Variants in MYPN observed in about 807,000 individuals in gnomAD.
MYPN encodes the protein myopalladin.
A neutral mutation model predicts 129.4 loss-of-function variants in MYPN; 63 were observed. That is an observed-to-expected ratio of 0.49 (90% CI 0.40 to 0.60). MYPN has a LOEUF of 0.60. MYPN is among the 20% of genes least tolerant of loss of function. The pLI is 0.00. For missense variants in MYPN, 1,596 were observed against 1,635.4 expected (o/e 0.98, Z 0.42); for synonymous variants, 629 against 600.9 (o/e 1.05, Z -0.68).
intron 2 of MYPN, chr10:68,136,537 G>A: frequency 7.0e-7 from 1 of 1,423,618 alleles, no homozygotes; most frequent in Non-Finnish European, 9.1e-7. Flanking sequence ...CCTGATCCCT[G>A]CCTAATTTCT....
chr10:68,154,582 T>A (rs1308077966), intron 6 of MYPN, among the ~76,000 whole-genome samples: 1 of 152,198 alleles, frequency 6.6e-6, no homozygotes, highest in Non-Finnish European at 1.5e-5. Flanking sequence ...GAGCTTTCAA[T>A]CAGACAGTTC....
intron 2 of MYPN, among the ~76,000 whole-genome samples, chr10:68,127,319 C>CTTTTTTT (rs71470508): frequency 3.3e-4 from 24 of 72,576 alleles, no homozygotes; most frequent in Non-Finnish European, 4.6e-4. Context: ...ACACATATAT[C>CTTTTTTT]TTTTTTTTTT....
chr10:68,181,181 T>C (rs1391766827), intron 12 of MYPN, among the ~76,000 whole-genome samples: 4 of 152,128 alleles, frequency 2.6e-5, no homozygotes, highest in African/African-American at 4.8e-5. Flanking sequence ...CAAGGGAAAA[T>C]GGAGAACACG....
rs374434233 is a variant in MYPN at position 68,121,624 on chromosome 10, T to C, written c.186T>C (p.Asp62=). The part of the protein sequence containing the change: ...EGGGGQDDLP[D]LSAFLSQEEL... The stretch of plus-strand genomic sequence containing the variant: ...GCGGAGGCCAAGATGACCTTCCAGA[T>C]CTTTCAGCCTTTCTGAGCCAAGAAG... The change falls in exon 2 of 20, where the codon GAT becomes GAC. Residue 62 remains aspartate, a synonymous_variant. Transcript: ENST00000358913. 1.2e-6 allele frequency: 2 copies of C among 1,614,246 alleles called. No individual in the cohort carries two copies. The highest frequency in any genetic ancestry group is 1.7e-6 in the Non-Finnish European group (2 of 1,180,044).
intron 18 of MYPN, among the ~76,000 whole-genome samples, chr10:68,204,724 T>C (rs1188138214): frequency 7.8e-5 from 2 of 25,638 alleles, no homozygotes; most frequent in South Asian, 1.0e-3. Flanking sequence ...AGACTCTGTC[T>C]CAAAAAAAAA....
At chr10:68,161,159 A>G (rs1295120058) in intron 7 of MYPN, among the ~76,000 whole-genome samples, 1 of 152,160 alleles carries the variant, frequency 6.6e-6, no homozygotes, top group African/African-American at 2.4e-5. Context: ...ATGTATCCCA[A>G]GTGAAACCCA....
intron 2 of MYPN, among the ~76,000 whole-genome samples, chr10:68,125,637 A>T (rs2042314894): frequency 6.6e-6 from 1 of 152,262 alleles, no homozygotes; most frequent in Non-Finnish European, 1.5e-5. Context: ...CCTAATTTTT[A>T]TAGTACAAAC....
chr10:68,169,307 A>G (rs540752807), intron 10 of MYPN, among the ~76,000 whole-genome samples: 191 of 151,024 alleles, frequency 1.3e-3, no homozygotes, highest in African/African-American at 4.3e-3. Context: ...GCAGTGGGCC[A>G]AGATCGCGTT....
upstream of MYPN, chr10:68,106,663 C>T (rs1445710483): frequency 2.5e-5 from 18 of 711,516 alleles, no homozygotes; most frequent in East Asian, 1.3e-4. Flanking sequence ...GAGCCTATAG[C>T]GATATAAAAA....
At chr10:68,146,833 G>A (rs1051245078) in intron 4 of MYPN, among the ~76,000 whole-genome samples, 4 of 152,156 alleles carry the variant, frequency 2.6e-5, no homozygotes, top group African/African-American at 9.7e-5. Context: ...GCCACACCTA[G>A]CTGCAGTGAA....
At chr10:68,119,802 A>G (rs1012637420) in intron 1 of MYPN, among the ~76,000 whole-genome samples, 1 of 152,200 alleles carries the variant, frequency 6.6e-6, no homozygotes, top group African/African-American at 2.4e-5. Context: ...AGTCTGTGGC[A>G]AGTAGGTGGG....
intron 1 of MYPN, among the ~76,000 whole-genome samples, chr10:68,113,340 G>T (rs1345569170): frequency 6.6e-6 from 1 of 152,124 alleles, no homozygotes; most frequent in Non-Finnish European, 1.5e-5. Flanking sequence ...AGGTTACTTA[G>T]GAGTTCTTTG....
intron 1 of MYPN, among the ~76,000 whole-genome samples, chr10:68,100,729 C>G (rs1370140495): frequency 6.6e-6 from 1 of 152,054 alleles, no homozygotes; most frequent in Non-Finnish European, 1.5e-5. Context: ...AAAACAGCAC[C>G]AAGTCTTTTT....
intron 12 of MYPN, among the ~76,000 whole-genome samples, chr10:68,182,403 ACACATATATAT>A (rs2043341533): frequency 2.3e-5 from 2 of 85,876 alleles, no homozygotes; most frequent in African/African-American, 6.6e-5. Flanking sequence ...CATATATATA[ACACATATATAT>A]AACATATATA....
At chr10:68,131,411 C>G (rs2042409897) in intron 2 of MYPN, among the ~76,000 whole-genome samples, 1 of 150,442 alleles carries the variant, frequency 6.6e-6, no homozygotes, top group African/African-American at 2.4e-5. Context: ...AGAACAACAA[C>G]AAAAAAAACT....
chr10:68,098,853 A>AT (rs147706552), intron 1 of MYPN, among the ~76,000 whole-genome samples: 11,882 of 151,904 alleles, frequency 0.078, 1,230 homozygotes, highest in African/African-American at 0.24. Flanking sequence ...CAAAAAACAA[A>AT]TTTTTTTTGA....
chr10:68,186,346 T>G (rs1294640029), intron 12 of MYPN, among the ~76,000 whole-genome samples: 4 of 152,150 alleles, frequency 2.6e-5, no homozygotes. Flanking sequence ...CAAATTCAGA[T>G]GATTATATTG....
At chr10:68,145,323 G>A (rs977689100) in intron 3 of MYPN, 152 bp from the exon 4 acceptor site, 7 of 646,170 alleles carry the variant, frequency 1.1e-5, no homozygotes, top group East Asian at 6.4e-5. Flanking sequence ...CACGCCCGGC[G>A]TTACTGAGTT....
At chr10:68,178,592 A>G (rs2043264248) in intron 12 of MYPN, among the ~76,000 whole-genome samples, 2 of 151,828 alleles carry the variant, frequency 1.3e-5, no homozygotes, top group Non-Finnish European at 2.9e-5. Context: ...GGGTGCCTGT[A>G]GTCCCAACTA....
Sources: allele counts gnomAD v4.1 joint callset (sites outside exome capture counted in the v4.1 genomes callset), GRCh38; gene constraint gnomAD v4.1.1; transcripts MANE v1.5; gene names NCBI Gene and HGNC (gene_info 2026-07-23, HGNC 2026-07-21).